KCNK9: variants seen among roughly 807,000 people sequenced by gnomAD.
The protein encoded by KCNK9 is potassium channel subfamily K member 9.
In KCNK9, 1 loss-of-function variant was observed where a neutral mutation model predicts 10.8. The ratio of observed to expected loss-of-function variants is 0.09; its 90% confidence interval spans 0.03 to 0.44. The LOEUF (loss-of-function observed/expected upper bound fraction) is 0.44, where lower values mean the gene tolerates loss of function less well. Ranked by LOEUF, KCNK9 falls within the 20% of genes least tolerant of loss-of-function variation. KCNK9 has a pLI of 0.97. For synonymous variants in KCNK9, 231 were observed against 222.7 expected (o/e 1.04, Z -0.33); for missense variants, 303 against 515.0 (o/e 0.59, Z 3.98).
At chr8:139,635,534 T>C (rs944639831) in intron 1 of KCNK9, among the ~76,000 whole-genome samples, 5 of 152,196 alleles carry the variant, frequency 3.3e-5, no homozygotes, top group African/African-American at 1.2e-4. Context: ...TCACCTAACC[T>C]TGCAGAGAGT....
chr8:139,698,142 G>A (rs1274836691), intron 1 of KCNK9, among the ~76,000 whole-genome samples: 1 of 152,220 alleles, frequency 6.6e-6, no homozygotes, highest in Non-Finnish European at 1.5e-5. Context: ...TCAGTAAGGA[G>A]ATCCCAACTG....
chr8:139,618,206 A>G lies in KCNK9; in HGVS notation c.*52T>C. ...GAAAAGACGAGTTGGACCAATGGAA[A>G]TTAACACCAACTATGACAAATGACT... On this transcript the variant is annotated 3_prime_UTR_variant, in exon 2 of 2. Transcript: ENST00000520439. The surrounding 1 kb of genome is among the most constrained non-coding windows in gnomAD (Gnocchi z 7.9). 1 of 1,612,422 alleles carries G rather than the reference A, an allele frequency of 6.2e-7. No individual in the cohort carries two copies. The highest frequency in any genetic ancestry group is 8.5e-7 in the Non-Finnish European group (1 of 1,178,524).
chr8:139,659,678 A>ATT (rs543890522), intron 1 of KCNK9, among the ~76,000 whole-genome samples: 3,864 of 132,942 alleles, frequency 0.029, 160 homozygotes, highest in East Asian at 0.13. Flanking sequence ...TGCCCAGCTA[A>ATT]TTTTTTTTTT....
intron 1 of KCNK9, among the ~76,000 whole-genome samples, chr8:139,621,928 C>T (rs1586636327): frequency 6.6e-6 from 1 of 152,188 alleles, no homozygotes; most frequent in African/African-American, 2.4e-5. Flanking sequence ...GAAGAAATCA[C>T]CATGGCATTT....
chr8:139,632,973 C>T (rs541214363), intron 1 of KCNK9, among the ~76,000 whole-genome samples: 2 of 152,172 alleles, frequency 1.3e-5, no homozygotes, highest in South Asian at 2.1e-4. Flanking sequence ...CAACAACATG[C>T]GAGAAGAACC....
chr8:139,655,395 G>T (rs1815995207), intron 1 of KCNK9, among the ~76,000 whole-genome samples: 1 of 152,140 alleles, frequency 6.6e-6, no homozygotes, highest in Non-Finnish European at 1.5e-5. Context: ...ACCCAGACAT[G>T]CTGGCTGGCT....
chr8:139,640,948 ATATT>A (rs1160621019), intron 1 of KCNK9, among the ~76,000 whole-genome samples: 5 of 152,358 alleles, frequency 3.3e-5, no homozygotes, highest in African/African-American at 1.2e-4. Context: ...GTCAGGAAGC[ATATT>A]TATCGCTGAA....
rs747671686 is a variant in KCNK9 at position 139,618,572 on chromosome 8, T to C, written c.811A>G (p.Met271Val). The C allele has an allele frequency of 6.2e-7, 1 of 1,613,648 alleles. No individual in the cohort carries two copies. The highest frequency in any genetic ancestry group is 1.1e-5 in the South Asian group (1 of 91,080). ...GGCTCCTCAGGGATGTGAATGACCA[T>C]GCTGTTGCGGTTTCCGGCGAGGGAT... ...RASLAGNRNSMVIHIPEEPRP... is the reference protein window; with the variant it reads ...RASLAGNRNSVVIHIPEEPRP... The change falls in exon 2 of 2, where the codon ATG becomes GTG. Residue 271 changes from methionine to valine, a missense_variant. This residue lies in a region of KCNK9 where 138 missense variants were observed against 161.1 expected (regional missense o/e 0.86). Coordinates refer to ENST00000520439, the MANE Select transcript of KCNK9 (RefSeq NM_001282534.2). The surrounding 1 kb of genome is among the most constrained non-coding windows in gnomAD (Gnocchi z 7.9).
chr8:139,672,498 C>T (rs1179745537), intron 1 of KCNK9, among the ~76,000 whole-genome samples: 2 of 152,226 alleles, frequency 1.3e-5, no homozygotes, highest in Non-Finnish European at 2.9e-5. Flanking sequence ...TGTAGAAAAA[C>T]CAACAGCCAA....
At chr8:139,615,784 T>C (rs1488307078), downstream of KCNK9, 2 of 152,020 alleles carry the variant, frequency 1.3e-5, no homozygotes, top group Non-Finnish European at 2.9e-5. Context: ...ATGTTTTCTA[T>C]AGTTCCTGGG....
intron 1 of KCNK9, among the ~76,000 whole-genome samples, chr8:139,643,293 C>A (rs1404543602): frequency 6.6e-6 from 1 of 152,186 alleles, no homozygotes; most frequent in Admixed American, 6.5e-5. Context: ...CTGCTGGCCG[C>A]GACCCCCGCC....
At chr8:139,624,206 A>C (rs1814891634) in intron 1 of KCNK9, among the ~76,000 whole-genome samples, 1 of 152,168 alleles carries the variant, frequency 6.6e-6, no homozygotes, top group South Asian at 2.1e-4. Context: ...GGGGATGCTG[A>C]GTTAGACACG....
rs117142298 is a variant in KCNK9 at position 139,661,549 on chromosome 8, G to A, written c.283+41161C>T. 1.2e-4 allele frequency among the ~76,000 whole-genome samples: 19 copies of A among 152,270 alleles called. No homozygotes were observed. The East Asian group carries it at 3.5e-3, about 28-fold the overall frequency. ...CAGGAAGGGTATGCCCTCCCCTCTG[G>A]GGCCTCAGCTTCCCAGTGATAAGAA... On this transcript the variant is annotated intron_variant, in intron 1 of 1. Coordinates refer to ENST00000520439, the MANE Select transcript of KCNK9 (RefSeq NM_001282534.2).
intron 1 of KCNK9, among the ~76,000 whole-genome samples, chr8:139,699,947 A>C (rs1388779835): frequency 6.6e-6 from 1 of 152,222 alleles, no homozygotes; most frequent in Non-Finnish European, 1.5e-5. Flanking sequence ...TAGATTAAAA[A>C]TCAAAACGCC....
At chr8:139,687,355 T>C (rs1816813757) in intron 1 of KCNK9, among the ~76,000 whole-genome samples, 1 of 147,152 alleles carries the variant, frequency 6.8e-6, no homozygotes, top group Non-Finnish European at 1.5e-5. Flanking sequence ...TATATATATG[T>C]ATACATATAT....
chr8:139,622,152 C>T (rs1203413510), intron 1 of KCNK9, among the ~76,000 whole-genome samples: 2 of 152,162 alleles, frequency 1.3e-5, no homozygotes, highest in African/African-American at 4.8e-5. Context: ...TCCACTGCAT[C>T]GAGGACATCC....
chr8:139,663,564 G>A (rs1816219311), intron 1 of KCNK9, among the ~76,000 whole-genome samples: 1 of 152,006 alleles, frequency 6.6e-6, no homozygotes, highest in Non-Finnish European at 1.5e-5. Flanking sequence ...CAGCTACTCT[G>A]AAGCCACTCT....
chr8:139,627,237 T>G (rs954506681), intron 1 of KCNK9, among the ~76,000 whole-genome samples: 8 of 152,216 alleles, frequency 5.3e-5, no homozygotes, highest in Non-Finnish European at 1.2e-4. Context: ...ACTCATTCTC[T>G]CATGGATAAG....
At chr8:139,642,488 C>G (rs28614138) in intron 1 of KCNK9, among the ~76,000 whole-genome samples, 6,958 of 152,352 alleles carry the variant, frequency 0.046, 518 homozygotes, top group East Asian at 0.37. Flanking sequence ...TCCCACACAT[C>G]CTGCTTCTGC....
Sources: gnomAD v4.1 joint callset for allele counts (sites outside exome capture counted in the v4.1 genomes callset) on GRCh38, gnomAD v4.1.1 for gene constraint, gnomAD v4.1.1 regional missense constraint, Gnocchi (gnomAD v3.1) non-coding constraint, MANE v1.5 for transcripts, NCBI Gene and HGNC (gene_info 2026-07-23, HGNC 2026-07-21) for gene names.